The following ADAMTSL1 variants were observed in gnomAD, a reference collection of about 807,000 sequenced individuals.
The protein encoded by ADAMTSL1 is ADAMTS-like protein 1.
Under a neutral mutation model 201.8 loss-of-function variants are expected in ADAMTSL1, and 126 were observed. The ratio of observed to expected loss-of-function variants is 0.62; its 90% CI spans 0.54 to 0.72. The LOEUF is 0.72. Among genes scored for constraint, ADAMTSL1 ranks in the 30% least tolerant of loss-of-function variants. The pLI, the probability that ADAMTSL1 is intolerant of heterozygous loss-of-function variation, is 0.00. For synonymous variants in ADAMTSL1, 1,121 were observed against 903.4 expected, an observed-to-expected ratio of 1.24 and a Z score of -4.32; for missense variants, 2,679 against 2,277.8, an observed-to-expected ratio of 1.18 and a Z score of -3.59.
At chr9:18,002,533 C>A (rs969760596) in intron 1 of ADAMTSL1, among the ~76,000 whole-genome samples, 1 of 152,018 alleles carries the variant, frequency 6.6e-6, no homozygotes, top group African/African-American at 2.4e-5. Context: ...GTGACCATAG[C>A]ATTAATGAAC....
chr9:18,870,738 A>T (rs758414104), intron 23 of ADAMTSL1, among the ~76,000 whole-genome samples: 9 of 151,160 alleles, frequency 6.0e-5, no homozygotes, highest in South Asian at 2.1e-4. Flanking sequence ...TACCTGTCCT[A>T]TTTCTGCCAC....
intron 2 of ADAMTSL1, among the ~76,000 whole-genome samples, chr9:18,329,756 G>C (rs1014208513): frequency 6.6e-6 from 1 of 152,024 alleles, no homozygotes; most frequent in African/African-American, 2.4e-5. Context: ...ATCCATCAAA[G>C]CATTTATTTC....
intron 2 of ADAMTSL1, among the ~76,000 whole-genome samples, chr9:18,183,684 T>C (rs931032168): frequency 1.3e-5 from 2 of 152,158 alleles, no homozygotes; most frequent in African/African-American, 4.8e-5. Context: ...TACACATCTA[T>C]TAGAATGGTC....
chr9:17,923,635 G>T (rs1826398638), intron 1 of ADAMTSL1, among the ~76,000 whole-genome samples: 1 of 109,046 alleles, frequency 9.2e-6, no homozygotes, highest in Non-Finnish European at 1.8e-5. Context: ...CTGCCTAATT[G>T]CCCTGGCCAG....
chr9:17,920,459 A>G (rs1047234718), intron 1 of ADAMTSL1, among the ~76,000 whole-genome samples: 1 of 152,198 alleles, frequency 6.6e-6, no homozygotes, highest in African/African-American at 2.4e-5. Context: ...TTGTGTCCAG[A>G]AAGTTATTCT....
intron 1 of ADAMTSL1, among the ~76,000 whole-genome samples, chr9:18,068,612 G>C (rs1241467902): frequency 6.6e-6 from 1 of 152,080 alleles, no homozygotes; most frequent in African/African-American, 2.4e-5. Flanking sequence ...AAAGGGAAAC[G>C]CAAACCAAGC....
intron 1 of ADAMTSL1, among the ~76,000 whole-genome samples, chr9:18,037,310 T>C (rs550437204): frequency 4.5e-4 from 68 of 152,272 alleles, no homozygotes; most frequent in African/African-American, 1.6e-3. Flanking sequence ...TTTTCACAGA[T>C]AAAAGATCAC....
chr9:18,209,821 G>C (rs181648030), intron 2 of ADAMTSL1, among the ~76,000 whole-genome samples: 80 of 152,192 alleles, frequency 5.3e-4, no homozygotes, highest in African/African-American at 1.3e-3. Flanking sequence ...TGACTTTGGT[G>C]GGAATTGAGT....
intron 2 of ADAMTSL1, among the ~76,000 whole-genome samples, chr9:18,329,793 C>G (rs187496686): frequency 1.3e-5 from 2 of 152,280 alleles, no homozygotes; most frequent in Admixed American, 1.3e-4. Context: ...TTCATTCATT[C>G]ATTCATTCAG....
chr9:18,429,982 G>T (rs1415725071), intron 2 of ADAMTSL1, among the ~76,000 whole-genome samples: 2 of 151,988 alleles, frequency 1.3e-5, no homozygotes, highest in African/African-American at 4.8e-5. Context: ...TAGAGACAGG[G>T]TTTCACTATG....
chr9:18,155,847 G>A (rs1240025610), intron 1 of ADAMTSL1, among the ~76,000 whole-genome samples: 8 of 152,032 alleles, frequency 5.3e-5, no homozygotes, highest in Admixed American at 5.2e-4. Flanking sequence ...GAGATGCTAT[G>A]AGTTTAGGTC....
rs983820724 is a variant in ADAMTSL1, at chr9:18,723,138, T to C, written c.2006+1473T>C. The C allele has an allele frequency of 8.1e-6, 6 of 741,376 alleles. No homozygotes were observed. The African/African-American group carries it at 8.6e-5, about 11-fold the overall frequency. The allele number at this position is 741,376 out of a possible 1,614,324, so 45.9% of individuals were successfully genotyped here. On this transcript the variant is annotated intron_variant, in intron 15 of 28. Coordinates refer to ENST00000380548, the MANE Select transcript of ADAMTSL1 (RefSeq NM_001040272.6). ...GGCCTAGGGCGAGGTGTCTGCCCTT[T>C]ATGTTTCCACATCTGCAAAGTGAAC...
intron 1 of ADAMTSL1, among the ~76,000 whole-genome samples, chr9:18,129,174 C>G (rs1430112713): frequency 6.6e-5 from 10 of 152,160 alleles, no homozygotes; most frequent in African/African-American, 2.2e-4. Context: ...GGCCTACCTG[C>G]TAAATATATC....
In ADAMTSL1 at chr9:18,248,722, C is replaced by A. The variant is rs376754501; in HGVS notation, c.207+84741C>A. 1.3e-4 allele frequency among the ~76,000 whole-genome samples: 20 copies of A among 152,278 alleles called. No homozygotes were observed. In the East Asian group the frequency reaches 3.1e-3, roughly 24 times the overall value. ...ATCGTCCATTGCGGGGGGCCATAACCCTTTTTTGGTCTGTGTGCCTTGTCA... is the reference window on the plus strand; with the variant it reads ...ATCGTCCATTGCGGGGGGCCATAACACTTTTTTGGTCTGTGTGCCTTGTCA... On this transcript the variant is annotated intron_variant, in intron 2 of 29. Coordinates refer to the ADAMTSL1 transcript ENST00000680146.
chr9:18,670,880 C>T (rs1829767072), intron 9 of ADAMTSL1, among the ~76,000 whole-genome samples: 1 of 152,030 alleles, frequency 6.6e-6, no homozygotes. Context: ...CCCCCACCTC[C>T]ACAGATACCA....
intron 14 of ADAMTSL1, chr9:18,718,014 G>T: frequency 6.3e-7 from 1 of 1,594,300 alleles, no homozygotes; most frequent in Non-Finnish European, 8.6e-7. Flanking sequence ...GCCTTCCCAG[G>T]CACTGGAGTT....
intron 21 of ADAMTSL1, among the ~76,000 whole-genome samples, chr9:18,821,370 C>G (rs1317471667): frequency 6.6e-6 from 1 of 152,148 alleles, no homozygotes; most frequent in Non-Finnish European, 1.5e-5. Flanking sequence ...ACATGCCTTC[C>G]AAGGTCTCCA....
At chr9:18,194,107 A>T (rs1272945450) in intron 2 of ADAMTSL1, among the ~76,000 whole-genome samples, 3 of 152,110 alleles carry the variant, frequency 2.0e-5, no homozygotes, top group Non-Finnish European at 4.4e-5. Flanking sequence ...CTGGAAAAAA[A>T]ATAGGGTTCT....
intron 1 of ADAMTSL1, among the ~76,000 whole-genome samples, chr9:18,019,261 T>C (rs1820383007): frequency 6.6e-6 from 1 of 152,020 alleles, no homozygotes; most frequent in Non-Finnish European, 1.5e-5. Flanking sequence ...AGAAGAGAAA[T>C]AATTTGGGGG....
Sources: allele counts gnomAD v4.1 joint callset (sites outside exome capture counted in the v4.1 genomes callset), GRCh38; gene constraint gnomAD v4.1.1; transcripts MANE v1.5; gene names NCBI Gene and HGNC (gene_info 2026-07-23, HGNC 2026-07-21).